Variants in GALNT2 observed in about 807,000 individuals in gnomAD.
The protein encoded by GALNT2 is polypeptide N-acetylgalactosaminyltransferase 2, also known as UDP-GalNAc:polypeptide N-acetylgalactosaminyltransferase 2.
GALNT2 carries 31 observed loss-of-function variants against 81.4 expected under a neutral mutation model. The ratio of observed to expected loss-of-function variants is 0.38; its 90% CI spans 0.29 to 0.51. The LOEUF is 0.51. Ranked by LOEUF, GALNT2 falls within the 20% of genes least tolerant of loss-of-function variation. The pLI is 0.87. For synonymous variants in GALNT2, 303 were observed against 287.4 expected, an observed-to-expected ratio of 1.05 and a Z score of -0.55; for missense variants, 629 against 765.7, an observed-to-expected ratio of 0.82 and a Z score of 2.11.
At chr1:230,090,914 C>A (rs1353896799) in intron 1 of GALNT2, among the ~76,000 whole-genome samples, 1 of 152,078 alleles carries the variant, frequency 6.6e-6, no homozygotes, top group African/African-American at 2.4e-5. Flanking sequence ...TTAGTTCCAT[C>A]TAGGAGTTAT....
intron 1 of GALNT2, among the ~76,000 whole-genome samples, chr1:230,122,201 T>C (rs1661037899): frequency 6.6e-6 from 1 of 152,238 alleles, no homozygotes; most frequent in African/African-American, 2.4e-5. Context: ...AGACAGCTGG[T>C]GCTTTCCTTG....
intron 1 of GALNT2, among the ~76,000 whole-genome samples, chr1:230,094,534 A>G (rs1035571934): frequency 2.0e-5 from 3 of 152,162 alleles, no homozygotes; most frequent in Non-Finnish European, 1.5e-5. Flanking sequence ...GCTACTTGGG[A>G]GGCTGAGGCA....
rs1553311876 is a variant in GALNT2, at chr1:230,092,184, T to TG, written c.126+24778_126+24779insG. Among the ~76,000 whole-genome samples, 1,128 of 119,580 alleles carry TG rather than the reference T, an allele frequency of 9.4e-3. 32 individuals carry two copies. Among genetic ancestry groups the TG allele is most frequent in the African/African-American group, 0.034 (1,016 of 29,734 alleles). The allele number at this position is 119,580 out of a possible 152,430, so 78.4% of individuals were successfully genotyped here. A position where few individuals can be genotyped will look rare whatever the true frequency, so the allele number is the denominator to read the frequency against. On this transcript the variant is annotated intron_variant, in intron 1 of 15. Transcript: ENST00000366672. ...CACCTTATATTCCTTTAGTTTTTTT[T>TG]TTTTTTTTTTTTGCACTGATCTTTC...
At chr1:230,255,460 A>G in intron 11 of GALNT2, 116 bp downstream of exon 11, 1 of 1,365,940 alleles carries the variant, frequency 7.3e-7, no homozygotes, top group Non-Finnish European at 1.0e-6. Context: ...GCATTTATAC[A>G]ATGGAATACC....
In GALNT2 at chr1:230,278,115, T is replaced by TC. The variant is rs549057313; in HGVS notation, c.1561-1188_1561-1187insC. On this transcript the variant is annotated intron_variant, in intron 15 of 15. Transcript: ENST00000366672. Reference sequence around the variant, plus strand: ...GGGGATTTTTCTGTTTTTCTTTCTTTTTTTTTTTTTTTTTAAGAGACAGGA... The same window carrying TC: ...GGGGATTTTTCTGTTTTTCTTTCTTTCTTTTTTTTTTTTTTAAGAGACAGGA... Among the ~76,000 whole-genome samples the TC allele has an allele frequency of 9.4e-5, 14 of 148,362 alleles. No homozygotes were observed. In the East Asian group the frequency reaches 1.2e-3, roughly 12 times the overall value.
intron 1 of GALNT2, among the ~76,000 whole-genome samples, chr1:230,143,629 C>T (rs761644549): frequency 2.0e-5 from 3 of 152,220 alleles, no homozygotes; most frequent in Non-Finnish European, 2.9e-5. Flanking sequence ...CTTGGCTTTA[C>T]GCAGCATGTT....
At chr1:230,185,594 G>A (rs917981784) in intron 2 of GALNT2, among the ~76,000 whole-genome samples, 4 of 152,108 alleles carry the variant, frequency 2.6e-5, no homozygotes, top group Admixed American at 1.3e-4. Context: ...TCCTCAGATT[G>A]GACAGGCTCT....
At chr1:230,156,065 G>A (rs939018255) in intron 1 of GALNT2, among the ~76,000 whole-genome samples, 2 of 152,028 alleles carry the variant, frequency 1.3e-5, no homozygotes, top group Non-Finnish European at 1.5e-5. Context: ...TAAAGCTTTT[G>A]TGTTTTTAGG....
chr1:230,137,481 TG>T (rs1661587402), intron 1 of GALNT2, among the ~76,000 whole-genome samples: 1 of 152,246 alleles, frequency 6.6e-6, no homozygotes, highest in Admixed American at 6.5e-5. Flanking sequence ...GGGTGCTTGC[TG>T]GGTGTTCTCA....
chr1:230,240,376 G>A (rs1019410647), intron 6 of GALNT2, among the ~76,000 whole-genome samples: 6 of 152,148 alleles, frequency 3.9e-5, no homozygotes, highest in Non-Finnish European at 5.9e-5. Flanking sequence ...GGCGGATCAC[G>A]AGGTCAGGAG....
chr1:230,275,060 A>G lies in GALNT2; in HGVS notation c.1560+496A>G, dbSNP rs1425246674. 1.3e-5 allele frequency among the ~76,000 whole-genome samples: 2 copies of G among 150,264 alleles called. No individual in the cohort carries two copies. The highest frequency in any genetic ancestry group is 3.0e-5 in the Non-Finnish European group (2 of 67,260). On this transcript the variant is annotated intron_variant, in intron 15 of 15. Coordinates refer to ENST00000366672, the MANE Select transcript of GALNT2 (RefSeq NM_004481.5). This position sits in a 1 kb window ranked among gnomAD's most constrained non-coding sequence, Gnocchi z 5.5. Reference sequence around the variant, plus strand: ...ATATACACATATATACATGCCACATATATACGTATATATATACACACCACA... The same window carrying G: ...ATATACACATATATACATGCCACATGTATACGTATATATATACACACCACA...
chr1:230,168,916 C>T (rs1365905958), intron 1 of GALNT2, among the ~76,000 whole-genome samples: 2 of 152,056 alleles, frequency 1.3e-5, no homozygotes, highest in Non-Finnish European at 2.9e-5. Flanking sequence ...ATATGTTATC[C>T]AGAATACCAC....
At chr1:230,103,135 G>A (rs1283398145) in intron 1 of GALNT2, among the ~76,000 whole-genome samples, 2 of 152,198 alleles carry the variant, frequency 1.3e-5, no homozygotes, top group Non-Finnish European at 2.9e-5. Flanking sequence ...AGGTGAGGCA[G>A]TCCAGGAAAA....
intron 1 of GALNT2, among the ~76,000 whole-genome samples, chr1:230,101,347 TC>T (rs759624741): frequency 3.9e-5 from 6 of 152,234 alleles, no homozygotes; most frequent in Non-Finnish European, 8.8e-5. Flanking sequence ...CCAGTCCTTT[TC>T]TTCCTTCAAG....
chr1:230,081,023 C>T (rs1376465686), intron 1 of GALNT2, among the ~76,000 whole-genome samples: 1 of 152,210 alleles, frequency 6.6e-6, no homozygotes, highest in African/African-American at 2.4e-5. Context: ...GCTCCTGTTC[C>T]CCAGCCAGAG....
chr1:230,080,666 G>A (rs1318247271), intron 1 of GALNT2, among the ~76,000 whole-genome samples: 1 of 152,156 alleles, frequency 6.6e-6, no homozygotes, highest in Non-Finnish European at 1.5e-5. Context: ...CAGAGAGGAT[G>A]CATAGCACAG....
At chr1:230,100,727 G>C (rs918589952) in intron 1 of GALNT2, among the ~76,000 whole-genome samples, 2 of 152,196 alleles carry the variant, frequency 1.3e-5, no homozygotes, top group Non-Finnish European at 2.9e-5. Context: ...GATCACAAAG[G>C]CTTTAAGTTT....
intron 2 of GALNT2, among the ~76,000 whole-genome samples, chr1:230,186,788 C>T (rs1428665154): frequency 6.6e-6 from 1 of 152,172 alleles, no homozygotes; most frequent in Non-Finnish European, 1.5e-5. Context: ...ATTTGCCTCT[C>T]TTTTGAGTTA....
intron 1 of GALNT2, among the ~76,000 whole-genome samples, chr1:230,166,666 C>T (rs1662615004): frequency 6.6e-6 from 1 of 152,218 alleles, no homozygotes; most frequent in South Asian, 2.1e-4. Context: ...TGCTGTCTCC[C>T]AGGGCAGCTT....
Sources: allele counts gnomAD v4.1 joint callset (sites outside exome capture counted in the v4.1 genomes callset), GRCh38; gene constraint gnomAD v4.1.1; non-coding constraint Gnocchi (gnomAD v3.1); transcripts MANE v1.5; gene names NCBI Gene and HGNC (gene_info 2026-07-23, HGNC 2026-07-21).